TOX: variants seen among roughly 807,000 people sequenced by gnomAD.
TOX encodes thymocyte selection associated high mobility group box.
In TOX, 11 loss-of-function variants were observed where a neutral mutation model predicts 53.7. The observed-to-expected ratio is 0.20, with a 90% CI of 0.13 to 0.34. The LOEUF (loss-of-function observed/expected upper bound fraction) is 0.34. TOX is among the 10% of genes least tolerant of loss of function. The probability of loss-of-function intolerance (pLI) is 1.00; values close to 1 mark genes in which losing one functional copy is unlikely to be tolerated. For missense variants in TOX, 570 were observed against 664.6 expected (o/e 0.86, Z 1.56); for synonymous variants, 225 against 245.3 (o/e 0.92, Z 0.77).
At chr8:59,027,141 T>C (rs1159968161) in intron 1 of TOX, among the ~76,000 whole-genome samples, 3 of 152,314 alleles carry the variant, frequency 2.0e-5, no homozygotes, top group African/African-American at 7.2e-5. Context: ...AGGAAATGTT[T>C]CTGGTTTCTG....
intron 3 of TOX, among the ~76,000 whole-genome samples, chr8:58,882,099 C>T (rs928040706): frequency 6.6e-6 from 1 of 152,206 alleles, no homozygotes; most frequent in African/African-American, 2.4e-5. Flanking sequence ...ACTTCAGTAG[C>T]CATTTCAGGA....
intron 1 of TOX, among the ~76,000 whole-genome samples, chr8:58,967,649 G>A (rs1459833873): frequency 1.3e-5 from 2 of 152,204 alleles, no homozygotes; most frequent in Non-Finnish European, 2.9e-5. Context: ...ATTGTCCCAT[G>A]GAAGGACTGG....
intron 5 of TOX, among the ~76,000 whole-genome samples, chr8:58,834,960 A>G (rs1810522272): frequency 6.6e-6 from 1 of 152,104 alleles, no homozygotes; most frequent in Admixed American, 6.5e-5. Flanking sequence ...AGTGACCAAA[A>G]CTGTTTTAGT....
intron 4 of TOX, 133 bp from the exon 5 acceptor site, chr8:58,838,444 A>G (rs1017216053): frequency 1.0e-5 from 7 of 690,246 alleles, no homozygotes; most frequent in East Asian, 7.9e-5. Flanking sequence ...TAAGGGACAC[A>G]TTGTTTTGTT....
intron 3 of TOX, among the ~76,000 whole-genome samples, chr8:58,867,206 C>A (rs1811117824): frequency 6.6e-6 from 1 of 152,122 alleles, no homozygotes; most frequent in Non-Finnish European, 1.5e-5. Context: ...TGGAATAGTA[C>A]ATTATATTTT....
At chr8:59,059,897 G>A (rs13258653) in intron 1 of TOX, among the ~76,000 whole-genome samples, 26,928 of 134,148 alleles carry the variant, frequency 0.2, 2,558 homozygotes, top group Non-Finnish European at 0.25. Flanking sequence ...CACCTTTTAT[G>A]TTATGTTGTA....
At chr8:59,104,322 G>A (rs917524643) in intron 1 of TOX, among the ~76,000 whole-genome samples, 4 of 151,934 alleles carry the variant, frequency 2.6e-5, no homozygotes, top group Non-Finnish European at 4.4e-5. Flanking sequence ...GGCCCCTCCC[G>A]GTTTGCCATG....
At chr8:58,909,244 G>A (rs759614292) in intron 3 of TOX, among the ~76,000 whole-genome samples, 22 of 152,230 alleles carry the variant, frequency 1.4e-4, no homozygotes, top group Non-Finnish European at 2.9e-4. Flanking sequence ...TCAAAATGTG[G>A]ATCCTGCAAT....
intron 1 of TOX, among the ~76,000 whole-genome samples, chr8:59,112,114 T>A (rs979850431): frequency 6.6e-5 from 10 of 152,184 alleles, no homozygotes; most frequent in African/African-American, 2.4e-4. Flanking sequence ...TAGTGATACC[T>A]CCCATCAGGA....
intron 1 of TOX, among the ~76,000 whole-genome samples, chr8:59,101,434 G>A (rs1804805765): frequency 6.6e-6 from 1 of 151,880 alleles, no homozygotes; most frequent in South Asian, 2.1e-4. Flanking sequence ...TATAAAATTG[G>A]GATATGGGAT....
chr8:58,831,883 C>T (rs1285785413), intron 5 of TOX, among the ~76,000 whole-genome samples: 1 of 152,052 alleles, frequency 6.6e-6, no homozygotes, highest in African/African-American at 2.4e-5. Flanking sequence ...GACTGATATA[C>T]AGGTATACAA....
chr8:58,818,825 C>T (rs1411944204), intron 6 of TOX, among the ~76,000 whole-genome samples: 1 of 152,206 alleles, frequency 6.6e-6, no homozygotes, highest in Admixed American at 6.5e-5. Flanking sequence ...CAGCTTTCCG[C>T]TCTGTCCTTT....
chr8:58,877,398 A>G (rs1191571193), intron 3 of TOX, among the ~76,000 whole-genome samples: 1 of 152,252 alleles, frequency 6.6e-6, no homozygotes, highest in Non-Finnish European at 1.5e-5. Context: ...TGCTAGTTAT[A>G]GTAGCACCAG....
chr8:59,041,052 G>A (rs923301025), intron 1 of TOX, among the ~76,000 whole-genome samples: 2 of 149,142 alleles, frequency 1.3e-5, no homozygotes, highest in African/African-American at 2.5e-5. Flanking sequence ...ATCAGCAGGA[G>A]GCACTTCATA....
intron 1 of TOX, among the ~76,000 whole-genome samples, chr8:59,098,951 A>G (rs891096120): frequency 2.0e-5 from 3 of 152,162 alleles, no homozygotes; most frequent in Non-Finnish European, 4.4e-5. Context: ...TTCTGCCAAC[A>G]TGTTATGATG....
chr8:58,853,216 G>A (rs1190658133), intron 3 of TOX, among the ~76,000 whole-genome samples: 1 of 152,102 alleles, frequency 6.6e-6, no homozygotes, highest in Non-Finnish European at 1.5e-5. Flanking sequence ...CACAGTTCAA[G>A]GTATCCTAGA....
chr8:58,970,858 C>A (rs1465555184), intron 1 of TOX, among the ~76,000 whole-genome samples: 1 of 152,160 alleles, frequency 6.6e-6, no homozygotes, highest in Non-Finnish European at 1.5e-5. Context: ...TCTGCAGTAA[C>A]ATTTATTCCA....
intron 3 of TOX, among the ~76,000 whole-genome samples, chr8:58,852,268 T>C (rs772848168): frequency 2.0e-5 from 3 of 152,174 alleles, no homozygotes; most frequent in Non-Finnish European, 4.4e-5. Context: ...TCTTCATCAT[T>C]TAAGAAAGGC....
At chr8:58,967,396 G>A (rs1218052357) in intron 1 of TOX, among the ~76,000 whole-genome samples, 1 of 152,072 alleles carries the variant, frequency 6.6e-6, no homozygotes, top group Non-Finnish European at 1.5e-5. Flanking sequence ...TGTCTGTGAT[G>A]GATCCAGTTA....
Sources: gnomAD v4.1 joint callset for allele counts (sites outside exome capture counted in the v4.1 genomes callset) on GRCh38, gnomAD v4.1.1 for gene constraint, MANE v1.5 for transcripts, NCBI Gene and HGNC (gene_info 2026-07-23, HGNC 2026-07-21) for gene names.